The following TSHZ3 variants were observed in gnomAD, a reference collection of about 807,000 sequenced individuals.
The protein encoded by TSHZ3 is teashirt zinc finger homeobox 3, also known as teashirt homolog 3.
In TSHZ3, 10 loss-of-function variants were observed where a neutral mutation model predicts 64.5. The observed-to-expected ratio is 0.16, with a 90% CI of 0.10 to 0.26. The LOEUF (loss-of-function observed/expected upper bound fraction) is 0.26. TSHZ3 is among the 10% of genes least tolerant of loss of function. The pLI is 1.00. For missense variants in TSHZ3, 1,242 were observed against 1,421.7 expected, an observed-to-expected ratio of 0.87 and a Z score of 2.03; for synonymous variants, 608 against 593.1, an observed-to-expected ratio of 1.03 and a Z score of -0.36.
chr19:31,269,053 G>A (rs1411920943), intron 1 of TSHZ3, among the ~76,000 whole-genome samples: 2 of 152,096 alleles, frequency 1.3e-5, no homozygotes, highest in African/African-American at 4.8e-5. Context: ...ACACATTGCA[G>A]GAAAGCCGCC....
intron 1 of TSHZ3, among the ~76,000 whole-genome samples, chr19:31,330,558 T>G (rs1377690021): frequency 6.6e-6 from 1 of 152,098 alleles, no homozygotes; most frequent in Non-Finnish European, 1.5e-5. Flanking sequence ...TTCTGTTTTC[T>G]CCTCCCTACC....
At chr19:31,158,279 AT>A (rs1289854886) in intron 5 of TSHZ3, among the ~76,000 whole-genome samples, 4 of 152,354 alleles carry the variant, frequency 2.6e-5, no homozygotes, top group South Asian at 4.1e-4. Context: ...AGAGAAAAAA[AT>A]ATATGTATCT....
chr19:31,183,302 C>A (rs1974752512), intron 5 of TSHZ3, among the ~76,000 whole-genome samples: 1 of 151,810 alleles, frequency 6.6e-6, no homozygotes, highest in African/African-American at 2.4e-5. Context: ...CATAATGACA[C>A]TGATTCAACA....
chr19:31,277,495 C>A lies in TSHZ3; in HGVS notation c.2298G>T (p.Pro766=). The part of the protein sequence containing the change: ...SLAEKAAVAT[P]PPLQSKKADH... The stretch of plus-strand genomic sequence containing the variant: ...CTGCCTTCTTGGACTGCAGGGGCGG[C>A]GGGGTGGCCACAGCAGCCTTCTCCG... The change falls in exon 2 of 2, where the codon CCG becomes CCT. Residue 766 remains proline, a synonymous_variant. Coordinates refer to ENST00000240587, the MANE Select transcript of TSHZ3 (RefSeq NM_020856.4). This position sits in a 1 kb window ranked among gnomAD's most constrained non-coding sequence, Gnocchi z 4.5. 1 of 1,608,614 alleles carries A rather than the reference C, an allele frequency of 6.2e-7. No homozygotes were observed. Among genetic ancestry groups the A allele is most frequent in the Non-Finnish European group, 8.5e-7 (1 of 1,176,348 alleles).
chr19:31,235,986 G>A (rs766006608), intron 3 of TSHZ3, among the ~76,000 whole-genome samples: 5 of 152,066 alleles, frequency 3.3e-5, no homozygotes, highest in Non-Finnish European at 7.4e-5. Flanking sequence ...ACAGGTGAGA[G>A]CTACCGTGCC....
At chr19:31,237,841 T>C (rs139630490) in intron 3 of TSHZ3, among the ~76,000 whole-genome samples, 257 of 152,338 alleles carry the variant, frequency 1.7e-3, no homozygotes, top group Non-Finnish European at 3.0e-3. Context: ...ATTTATCTTG[T>C]AATTTTCACT....
In TSHZ3 at chr19:31,314,653, C is replaced by A. The variant is rs539661421; in HGVS notation, c.40+34527G>T. Among the ~76,000 whole-genome samples the A allele has an allele frequency of 7.9e-5, 12 of 152,312 alleles. No individual in the cohort carries two copies. The South Asian group carries it at 2.5e-3, about 32-fold the overall frequency. The stretch of plus-strand genomic sequence containing the variant: ...TCAGGGTTTTATTCATATGTGAGTG[C>A]ATAATTTTGCCTCAAGATGCGTTAG... On this transcript the variant is annotated intron_variant, in intron 1 of 1. Coordinates refer to ENST00000240587, the MANE Select transcript of TSHZ3 (RefSeq NM_020856.4).
chr19:31,327,598 T>C (rs951971947), intron 1 of TSHZ3, among the ~76,000 whole-genome samples: 1 of 152,212 alleles, frequency 6.6e-6, no homozygotes, highest in Non-Finnish European at 1.5e-5. Flanking sequence ...GTGATACACA[T>C]ATGTACCATA....
chr19:31,300,705 T>G (rs569739842), intron 1 of TSHZ3, among the ~76,000 whole-genome samples: 65 of 152,164 alleles, frequency 4.3e-4, no homozygotes, highest in African/African-American at 1.6e-3. Context: ...GCTAAGTGGC[T>G]CCTCTGATTT....
chr19:31,259,585 G>A (rs1975958542), intron 1 of TSHZ3, among the ~76,000 whole-genome samples: 1 of 151,960 alleles, frequency 6.6e-6, no homozygotes, highest in Non-Finnish European at 1.5e-5. Context: ...GCCACTGAGG[G>A]TATCCTATGG....
intron 5 of TSHZ3, among the ~76,000 whole-genome samples, chr19:31,177,149 T>C (rs1323091564): frequency 6.6e-6 from 1 of 152,194 alleles, no homozygotes; most frequent in Non-Finnish European, 1.5e-5. Flanking sequence ...AGAATTGCTA[T>C]AAACTGGGAC....
At chr19:31,285,549 G>A (rs531038206) in intron 1 of TSHZ3, among the ~76,000 whole-genome samples, 32 of 151,202 alleles carry the variant, frequency 2.1e-4, no homozygotes, top group Non-Finnish European at 2.9e-4. Flanking sequence ...TTGGGAGGCC[G>A]AGGCTGGGAG....
intron 4 of TSHZ3, among the ~76,000 whole-genome samples, chr19:31,221,423 A>G (rs1344137805): frequency 2.6e-5 from 4 of 152,180 alleles, no homozygotes; most frequent in African/African-American, 9.7e-5. Context: ...CATAACTCCA[A>G]CATGGATGTG....
At chr19:31,262,532 CT>C (rs879408203) in intron 1 of TSHZ3, among the ~76,000 whole-genome samples, 3 of 151,744 alleles carry the variant, frequency 2.0e-5, no homozygotes, top group South Asian at 2.1e-4. Flanking sequence ...TCTTTCTGTG[CT>C]TTTTTTTAAA....
intron 1 of TSHZ3, among the ~76,000 whole-genome samples, chr19:31,261,599 T>A (rs1175586673): frequency 1.3e-5 from 2 of 152,230 alleles, no homozygotes; most frequent in African/African-American, 4.8e-5. Flanking sequence ...ACTCCAAGTG[T>A]TCTCCATCTC....
chr19:31,297,685 C>T (rs1167892320), intron 1 of TSHZ3, among the ~76,000 whole-genome samples: 1 of 152,038 alleles, frequency 6.6e-6, no homozygotes, highest in African/African-American at 2.4e-5. Context: ...CCAGGCTGGT[C>T]TTGAACTCCT....
intron 6 of TSHZ3, among the ~76,000 whole-genome samples, chr19:31,152,312 G>A (rs923173861): frequency 2.6e-5 from 4 of 151,210 alleles, no homozygotes; most frequent in Non-Finnish European, 5.9e-5. Context: ...GTGTGTGCAT[G>A]TTTATGTGGA....
chr19:31,221,049 T>C (rs1474389800), intron 4 of TSHZ3, among the ~76,000 whole-genome samples: 3 of 152,210 alleles, frequency 2.0e-5, no homozygotes, highest in Non-Finnish European at 4.4e-5. Context: ...AGATCAGAGA[T>C]GTGTATGCTC....
At chr19:31,179,334 G>A (rs1974662706) in intron 5 of TSHZ3, among the ~76,000 whole-genome samples, 1 of 152,146 alleles carries the variant, frequency 6.6e-6, no homozygotes, top group African/African-American at 2.4e-5. Flanking sequence ...GTCCATGGTG[G>A]CCCAGAAGAG....
Sources: allele counts gnomAD v4.1 joint callset (sites outside exome capture counted in the v4.1 genomes callset), GRCh38; gene constraint gnomAD v4.1.1; non-coding constraint Gnocchi (gnomAD v3.1); transcripts MANE v1.5; gene names NCBI Gene and HGNC (gene_info 2026-07-23, HGNC 2026-07-21).